The following MYO1H variants were observed in gnomAD, a reference collection of about 807,000 sequenced individuals.
MYO1H encodes the protein unconventional myosin-Ih.
MYO1H carries 118 observed loss-of-function variants against 149.3 expected under a neutral mutation model. That is an observed-to-expected ratio of 0.79 (90% confidence interval 0.68 to 0.92). The LOEUF (loss-of-function observed/expected upper bound fraction) is 0.92, where lower values mean the gene tolerates loss of function less well. Among genes scored for constraint, MYO1H ranks in the 40% least tolerant of loss-of-function variants. The pLI is 0.00. For synonymous variants in MYO1H, 447 were observed against 465.2 expected, an observed-to-expected ratio of 0.96 and a Z score of 0.50; for missense variants, 1,212 against 1,280.7, an observed-to-expected ratio of 0.95 and a Z score of 0.82.
intron 1 of MYO1H, among the ~76,000 whole-genome samples, chr12:109,363,332 C>T (rs7304158): frequency 0.038 from 5,780 of 152,296 alleles, 123 homozygotes; most frequent in Middle Eastern, 0.058. Flanking sequence ...TATCTTCTTT[C>T]TCCATGCCCC....
At chr12:109,425,118 TAAAAAC>T (rs929577907) in intron 17 of MYO1H, among the ~76,000 whole-genome samples, 2 of 151,514 alleles carry the variant, frequency 1.3e-5, no homozygotes, top group African/African-American at 4.9e-5. Flanking sequence ...AAAATAAAAA[TAAAAAC>T]AAATCAGTCA....
chr12:109,418,838 C>A (rs1428299821), intron 15 of MYO1H, among the ~76,000 whole-genome samples: 1 of 152,114 alleles, frequency 6.6e-6, no homozygotes, highest in Non-Finnish European at 1.5e-5. Context: ...GCCACCGCAC[C>A]CAGCATTATT....
chr12:109,374,064 G>A (rs970422201), intron 1 of MYO1H, among the ~76,000 whole-genome samples: 1 of 152,224 alleles, frequency 6.6e-6, no homozygotes, highest in Non-Finnish European at 1.5e-5. Context: ...ATACTCTTAT[G>A]TGACTGGCTT....
the MYO1H span, among the ~76,000 whole-genome samples, chr12:109,320,455 C>CAAAAAAAAAAAAAAAA: frequency 1.6e-5 from 1 of 63,326 alleles, no homozygotes; most frequent in Non-Finnish European, 2.8e-5. Flanking sequence ...ATTAAAAATA[C>CAAAAAAAAAAAAAAAA]AAAAAAAAAA....
intron 27 of MYO1H, 125 bp from the exon 28 acceptor site, chr12:109,443,389 C>A: frequency 2.5e-6 from 2 of 804,354 alleles, no homozygotes; most frequent in Non-Finnish European, 1.9e-6. Context: ...CACACACACA[C>A]ACACATACAC....
At chr12:109,397,519 AT>A (rs1869965981) in intron 4 of MYO1H, among the ~76,000 whole-genome samples, 1 of 152,094 alleles carries the variant, frequency 6.6e-6, no homozygotes, top group South Asian at 2.1e-4. Flanking sequence ...GGAAGAAGAT[AT>A]TGTTCCCCTT....
At chr12:109,437,581 G>A (rs1871916199) in intron 22 of MYO1H, among the ~76,000 whole-genome samples, 1 of 152,168 alleles carries the variant, frequency 6.6e-6, no homozygotes, top group African/African-American at 2.4e-5. Flanking sequence ...TAGATAATAT[G>A]TAAATGAATG....
intron 1 of MYO1H, among the ~76,000 whole-genome samples, chr12:109,371,396 T>C (rs1360724557): frequency 6.6e-6 from 1 of 151,970 alleles, no homozygotes; most frequent in Non-Finnish European, 1.5e-5. Flanking sequence ...TTTGTATTTT[T>C]CTGTAGAGAT....
At chr12:109,365,271 G>A (rs1057078734) in intron 1 of MYO1H, among the ~76,000 whole-genome samples, 7 of 152,146 alleles carry the variant, frequency 4.6e-5, no homozygotes, top group Non-Finnish European at 8.8e-5. Context: ...GCAAGACCCT[G>A]TCTCTTAAAA....
the MYO1H span, among the ~76,000 whole-genome samples, chr12:109,315,018 C>T: frequency 6.6e-6 from 1 of 152,172 alleles, no homozygotes; most frequent in Admixed American, 6.5e-5. Context: ...AGGAGGATCG[C>T]TTGAGCCCGG....
At chr12:109,404,158 T>C (rs1458222617) in intron 7 of MYO1H, 78 bp downstream of exon 7, 2 of 1,061,002 alleles carry the variant, frequency 1.9e-6, no homozygotes, top group Non-Finnish European at 2.8e-6. Flanking sequence ...GTTTGCAGAA[T>C]ACAGTGGCCA....
chr12:109,316,175 G>C, the MYO1H span, among the ~76,000 whole-genome samples: 1 of 144,486 alleles, frequency 6.9e-6, no homozygotes, highest in Admixed American at 6.8e-5. Flanking sequence ...TTGGGTGGGT[G>C]GGGGGGAGCT....
intron 2 of MYO1H, among the ~76,000 whole-genome samples, chr12:109,390,675 T>TG (rs1869608603): frequency 6.6e-6 from 1 of 151,890 alleles, no homozygotes; most frequent in South Asian, 2.1e-4. Flanking sequence ...TGTTTTTTTT[T>TG]TCTTTTTCAT....
At chr12:109,432,920 CCTGGCCGCA>C (rs1871698942) in exon 20 of MYO1H, 1 of 1,613,898 alleles carries the variant, frequency 6.2e-7, no homozygotes, top group South Asian at 1.1e-5. Context: ...TGCCCAGACA[CCTGGCCGCA>C]CTGGCACGGG....
At chr12:109,442,385 A>T (rs1312170149) in intron 27 of MYO1H, 113 bp downstream of exon 27, 1 of 824,028 alleles carries the variant, frequency 1.2e-6, no homozygotes, top group Non-Finnish European at 2.0e-6. Flanking sequence ...GCAGCTGGGC[A>T]GCTGGGGCTC....
chr12:109,331,549 G>A, the MYO1H span, among the ~76,000 whole-genome samples: 2 of 152,194 alleles, frequency 1.3e-5, no homozygotes, highest in African/African-American at 2.4e-5. Context: ...GGCCCTCCTC[G>A]GAGCCAAGAG....
chr12:109,406,095 G>A, intron 8 of MYO1H, 60 bp downstream of exon 8: 1 of 1,230,384 alleles, frequency 8.1e-7, no homozygotes, highest in Non-Finnish European at 1.2e-6. Flanking sequence ...GAAGAGCGAG[G>A]TAGCTGGGTG....
chr12:109,436,560 A>C lies in MYO1H; in HGVS notation c.2209+4A>C. The C allele has an allele frequency of 6.3e-7, 1 of 1,594,838 alleles. No homozygotes were observed. The highest frequency in any genetic ancestry group is 1.3e-5 in the African/African-American group (1 of 74,648). On this transcript the variant is annotated splice_donor_region_variant and intron_variant, in intron 22 of 31. Coordinates refer to ENST00000310903, the Ensembl canonical transcript of MYO1H. ...TACGTGAAAAAAAGACAAGCAGGTA[A>C]GAATTAAATAGAAACAAATAAGTTT... is the stretch of plus-strand genomic sequence containing the variant.
chr12:109,352,781 T>C (rs538191335), intron 1 of MYO1H, among the ~76,000 whole-genome samples: 1 of 152,330 alleles, frequency 6.6e-6, no homozygotes, highest in South Asian at 2.1e-4. Flanking sequence ...GACATCAGCA[T>C]ACTTCCCCTA....
Sources: gnomAD v4.1 joint callset for allele counts (sites outside exome capture counted in the v4.1 genomes callset) on GRCh38, gnomAD v4.1.1 for gene constraint, MANE v1.5 for transcripts, NCBI Gene and HGNC (gene_info 2026-07-23, HGNC 2026-07-21) for gene names.